LARGE1: variants seen among roughly 807,000 people sequenced by gnomAD.
The protein encoded by LARGE1 is LARGE xylosyl- and glucuronyltransferase 1.
Under a neutral mutation model 87.6 loss-of-function variants are expected in LARGE1, and 43 were observed. The ratio of observed to expected loss-of-function variants is 0.49; its 90% CI spans 0.38 to 0.63. The LOEUF is 0.63. Ranked by LOEUF, LARGE1 falls within the 30% of genes least tolerant of loss-of-function variation. The pLI, the probability that LARGE1 is intolerant of heterozygous loss-of-function variation, is 0.00. For synonymous variants in LARGE1, 434 were observed against 394.6 expected, an observed-to-expected ratio of 1.10 and a Z score of -1.18; for missense variants, 802 against 1,000.2, an observed-to-expected ratio of 0.80 and a Z score of 2.67.
intron 1 of LARGE1, among the ~76,000 whole-genome samples, chr22:33,810,944 G>C (rs1276386296): frequency 1.3e-5 from 2 of 152,048 alleles, no homozygotes; most frequent in Non-Finnish European, 2.9e-5. Flanking sequence ...GGATGATCTC[G>C]ATCTCCTGAC....
chr22:33,823,643 C>T (rs999241858), intron 1 of LARGE1, among the ~76,000 whole-genome samples: 7 of 152,170 alleles, frequency 4.6e-5, no homozygotes, highest in African/African-American at 1.4e-4. Context: ...AATGACTCAT[C>T]CCTATACACA....
rs191714402 is a variant in LARGE1, at chr22:33,770,256, T to C, written c.-82-8698A>G. On this transcript the variant is annotated intron_variant, in intron 1 of 14. Coordinates refer to ENST00000397394, the MANE Select transcript of LARGE1 (RefSeq NM_133642.5). ...TGTAACTCATCCTCAGATCATTTGTTTGAAGATACTAAAATAATGTCATGT... is the reference window on the plus strand; with the variant it reads ...TGTAACTCATCCTCAGATCATTTGTCTGAAGATACTAAAATAATGTCATGT... Among the ~76,000 whole-genome samples the C allele has an allele frequency of 8.1e-3, 1,241 of 152,354 alleles. 4 individuals are homozygous for C. Among genetic ancestry groups the C allele is most frequent in the Middle Eastern group, 0.024 (7 of 294 alleles).
intron 10 of LARGE1, among the ~76,000 whole-genome samples, chr22:33,332,773 A>G (rs888989796): frequency 6.6e-6 from 1 of 152,100 alleles, no homozygotes; most frequent in African/African-American, 2.4e-5. Context: ...CAGGAGTGCA[A>G]TGTTTACAGA....
chr22:33,562,030 A>G (rs1362637639), intron 6 of LARGE1, among the ~76,000 whole-genome samples: 1 of 152,250 alleles, frequency 6.6e-6, no homozygotes, highest in Admixed American at 6.5e-5. Flanking sequence ...GCCACATTGT[A>G]TCAACATCAC....
chr22:33,609,279 A>G (rs1226859907), intron 4 of LARGE1, among the ~76,000 whole-genome samples: 1 of 152,230 alleles, frequency 6.6e-6, no homozygotes, highest in Non-Finnish European at 1.5e-5. Context: ...GCTGCCACCC[A>G]CAACAGCTGA....
intron 1 of LARGE1, among the ~76,000 whole-genome samples, chr22:33,792,275 C>A (rs996374477): frequency 6.6e-6 from 1 of 152,118 alleles, no homozygotes; most frequent in African/African-American, 2.4e-5. Context: ...GGTGGTTACC[C>A]CCATGCTATT....
chr22:33,650,511 G>C lies in LARGE1; in HGVS notation c.264C>G (p.Gly88=). 1 of 1,613,096 alleles carries C rather than the reference G, an allele frequency of 6.2e-7. No homozygotes were observed. The highest frequency in any genetic ancestry group is 1.1e-5 in the South Asian group (1 of 91,086). Residue 88 remains glycine, a synonymous_variant, in exon 3 of 15, where the codon GGC becomes GGG. Coordinates refer to ENST00000397394, the MANE Select transcript of LARGE1 (RefSeq NM_133642.5). ...ALRRQLSLAQ[G]RAPSHRRGNH... ...TGCCTCGGCGATGGGATGGGGCTCGGCCCTGGGCCAGGCTGAGCTGCCTGC... is the reference window on the plus strand; with the variant it reads ...TGCCTCGGCGATGGGATGGGGCTCGCCCCTGGGCCAGGCTGAGCTGCCTGC...
intron 2 of LARGE1, among the ~76,000 whole-genome samples, chr22:33,673,538 G>A (rs937430451): frequency 4.6e-5 from 7 of 152,088 alleles, no homozygotes; most frequent in African/African-American, 9.7e-5. Context: ...TAAAATATAC[G>A]TAACATAAAG....
intron 7 of LARGE1, among the ~76,000 whole-genome samples, chr22:33,404,292 C>A (rs1489961906): frequency 6.6e-6 from 1 of 152,160 alleles, no homozygotes; most frequent in Admixed American, 6.5e-5. Context: ...AGTGCAAAGG[C>A]CCTTAAGCCA....
intron 1 of LARGE1, among the ~76,000 whole-genome samples, chr22:33,863,378 G>C: frequency 6.6e-6 from 1 of 152,300 alleles, no homozygotes. Context: ...CCTGCCTCAC[G>C]ATGGGGCCAG....
intron 5 of LARGE1, among the ~76,000 whole-genome samples, chr22:33,577,337 T>C (rs971889178): frequency 2.0e-5 from 3 of 152,152 alleles, no homozygotes; most frequent in Non-Finnish European, 4.4e-5. Flanking sequence ...AACACTAAAA[T>C]AGCCACAAAA....
intron 6 of LARGE1, among the ~76,000 whole-genome samples, chr22:33,501,840 G>A (rs995593546): frequency 6.6e-6 from 1 of 152,186 alleles, no homozygotes; most frequent in Non-Finnish European, 1.5e-5. Flanking sequence ...ATGCACTTCA[G>A]TGTAAAATGA....
At chr22:33,728,818 C>T (rs900065182) in intron 2 of LARGE1, among the ~76,000 whole-genome samples, 3 of 152,158 alleles carry the variant, frequency 2.0e-5, no homozygotes, top group African/African-American at 4.8e-5. Context: ...CACACGGTTA[C>T]GGATAGAGGA....
intron 6 of LARGE1, among the ~76,000 whole-genome samples, chr22:33,502,562 A>G (rs1280682575): frequency 6.6e-6 from 1 of 150,932 alleles, no homozygotes; most frequent in African/African-American, 2.5e-5. Context: ...CGTATCCTGC[A>G]TATCCTGCCA....
the LARGE1 span, among the ~76,000 whole-genome samples, chr22:33,156,532 A>T: frequency 1.3e-5 from 2 of 151,964 alleles, no homozygotes; most frequent in African/African-American, 2.4e-5. Flanking sequence ...AATTTCTCCC[A>T]TTTGGAATGG....
intron 4 of LARGE1, among the ~76,000 whole-genome samples, chr22:33,604,861 C>T (rs1314146545): frequency 1.3e-5 from 2 of 152,122 alleles, no homozygotes; most frequent in Admixed American, 6.5e-5. Flanking sequence ...TTCTGAAAGC[C>T]GTAAGTAGAG....
intron 4 of LARGE1, among the ~76,000 whole-genome samples, chr22:33,614,858 T>G (rs1347797922): frequency 1.3e-5 from 2 of 151,766 alleles, no homozygotes; most frequent in Non-Finnish European, 2.9e-5. Flanking sequence ...GTTTACTCTC[T>G]ACAACCCCAG....
At chr22:33,540,226 C>T (rs1198239682) in intron 6 of LARGE1, among the ~76,000 whole-genome samples, 3 of 152,196 alleles carry the variant, frequency 2.0e-5, no homozygotes, top group East Asian at 1.9e-4. Flanking sequence ...TCTCCTCCTT[C>T]GACAAAAACA....
At chr22:33,674,433 C>T (rs1350323684) in intron 2 of LARGE1, among the ~76,000 whole-genome samples, 1 of 152,210 alleles carries the variant, frequency 6.6e-6, no homozygotes, top group Non-Finnish European at 1.5e-5. Flanking sequence ...CTATTCTCTG[C>T]ACAGCGGGAG....
Sources: gnomAD v4.1 joint callset for allele counts (sites outside exome capture counted in the v4.1 genomes callset) on GRCh38, gnomAD v4.1.1 for gene constraint, MANE v1.5 for transcripts, NCBI Gene and HGNC (gene_info 2026-07-23, HGNC 2026-07-21) for gene names.